The following TSEN15 variants were observed in gnomAD, a reference collection of about 807,000 sequenced individuals.
TSEN15 encodes the protein tRNA-splicing endonuclease subunit Sen15.
TSEN15 carries 10 observed loss-of-function variants against 20.5 expected under a neutral mutation model. That is an observed-to-expected ratio of 0.49 (90% confidence interval 0.30 to 0.83). The LOEUF is 0.83. Among genes scored for constraint, TSEN15 ranks in the 40% least tolerant of loss-of-function variants. The probability of loss-of-function intolerance (pLI) is 0.06; values close to 1 mark genes in which losing one functional copy is unlikely to be tolerated. For missense variants in TSEN15, 180 were observed against 218.6 expected, an observed-to-expected ratio of 0.82 and a Z score of 1.11; for synonymous variants, 72 against 80.1, an observed-to-expected ratio of 0.90 and a Z score of 0.54.
intron 3 of TSEN15, chr1:184,094,233 G>A (rs1245645718): frequency 6.6e-6 from 1 of 152,184 alleles, no homozygotes; most frequent in African/African-American, 2.4e-5. Context: ...TAGCTCATAT[G>A]TGATATGGTC....
At chr1:184,093,932 T>A (rs1298849747) in intron 3 of TSEN15, 1 of 152,194 alleles carries the variant, frequency 6.6e-6, no homozygotes, top group East Asian at 1.9e-4. Context: ...AAATATTGGG[T>A]TTGATTCTAA....
chr1:184,068,085 A>G (rs541349918), intron 3 of TSEN15, among the ~76,000 whole-genome samples: 1 of 149,756 alleles, frequency 6.7e-6, no homozygotes, highest in Non-Finnish European at 1.5e-5. Context: ...TTTTAGTTGA[A>G]TTTTTTTTCA....
chr1:184,072,375 C>A, intron 4 of TSEN15, 77 bp downstream of exon 4: 2 of 1,353,716 alleles, frequency 1.5e-6, no homozygotes, highest in Non-Finnish European at 1.0e-6. Flanking sequence ...TGACTCAAGT[C>A]AGTCACAGAA....
At chr1:184,094,877 G>T (rs1651421672) in intron 3 of TSEN15, 1 of 396,066 alleles carries the variant, frequency 2.5e-6, no homozygotes, top group African/African-American at 2.1e-5. Context: ...TCACTGAAGA[G>T]TCTGGGTGAA....
chr1:184,055,555 G>A (rs1415731483), intron 3 of TSEN15, among the ~76,000 whole-genome samples: 1 of 152,130 alleles, frequency 6.6e-6, no homozygotes, highest in East Asian at 1.9e-4. Context: ...AATAACAGCT[G>A]TTATAAGATG....
chr1:184,071,359 T>C (rs547536749), intron 3 of TSEN15: 1 of 152,122 alleles, frequency 6.6e-6, no homozygotes, highest in Admixed American at 6.5e-5. Flanking sequence ...ATATTAAATA[T>C]GTGAATGTAA....
chr1:184,088,718 G>A (rs568472564), intron 3 of TSEN15, among the ~76,000 whole-genome samples: 35 of 124,364 alleles, frequency 2.8e-4, no homozygotes. Context: ...AACCTTCAGT[G>A]CTCATCTGGG....
intron 3 of TSEN15, among the ~76,000 whole-genome samples, chr1:184,055,704 C>T (rs1650227568): frequency 6.6e-6 from 1 of 151,796 alleles, no homozygotes; most frequent in African/African-American, 2.4e-5. Context: ...TTTTAAAAAG[C>T]TTAGGTACAC....
chr1:184,054,475 G>A, intron 2 of TSEN15, 40 bp downstream of exon 2: 1 of 1,479,248 alleles, frequency 6.8e-7, no homozygotes, highest in East Asian at 2.3e-5. Flanking sequence ...TTGGGACTGT[G>A]GTAGAGATTT....
chr1:184,063,696 T>C (rs1311556837), intron 3 of TSEN15, among the ~76,000 whole-genome samples: 1 of 152,056 alleles, frequency 6.6e-6, no homozygotes, highest in African/African-American at 2.4e-5. Context: ...TTAAAGGACA[T>C]GATTAAAGAA....
chr1:184,082,892 G>A (rs1331175217), intron 3 of TSEN15, among the ~76,000 whole-genome samples: 1 of 151,970 alleles, frequency 6.6e-6, no homozygotes, highest in African/African-American at 2.4e-5. Context: ...AAGCCTGTAT[G>A]GGAAAAAGTT....
chr1:184,083,657 A>C (rs558769235), intron 3 of TSEN15, among the ~76,000 whole-genome samples: 1 of 152,182 alleles, frequency 6.6e-6, no homozygotes, highest in Admixed American at 6.5e-5. Flanking sequence ...ATCCCAAGTG[A>C]GATCATTAGA....
At chr1:184,061,900 G>A (rs1350614980) in intron 3 of TSEN15, among the ~76,000 whole-genome samples, 1 of 152,150 alleles carries the variant, frequency 6.6e-6, no homozygotes, top group Non-Finnish European at 1.5e-5. Context: ...GTGAGTGAAT[G>A]CATTACTTTG....
rs1227436744 is a variant in TSEN15 at position 184,073,384 on chromosome 1, T to TTTG, written c.*538_*539insTGT. 6.6e-6 allele frequency: 1 copy of TTTG among 152,458 alleles called. No homozygotes were observed. Among genetic ancestry groups the TTTG allele is most frequent in the African/African-American group, 2.4e-5 (1 of 41,460 alleles). The allele number at this position is 152,458 out of a possible 1,614,324, so 9.4% of individuals were successfully genotyped here. ...TTGCAGTTACTGTTATTTCTCTTTTTTGGTTAACTTTAAATCAAAACTCAA... is the reference window on the plus strand; with the variant it reads ...TTGCAGTTACTGTTATTTCTCTTTTTTTGTGGTTAACTTTAAATCAAAACTCAA... On this transcript the variant is annotated 3_prime_UTR_variant, in exon 5 of 5. Coordinates refer to ENST00000645668, the MANE Select transcript of TSEN15 (RefSeq NM_052965.4).
chr1:184,083,262 C>T (rs1022876283), intron 3 of TSEN15, among the ~76,000 whole-genome samples: 1 of 152,130 alleles, frequency 6.6e-6, no homozygotes, highest in African/African-American at 2.4e-5. Flanking sequence ...CTTCATGTAC[C>T]TCAGGCTGTG....
At chr1:184,070,747 G>A in intron 3 of TSEN15, 1 of 917,074 alleles carries the variant, frequency 1.1e-6, no homozygotes. Context: ...TGAAGTTTCT[G>A]ATTAATATCT....
At chr1:184,093,800 G>A (rs573231630) in intron 3 of TSEN15, 1 of 152,236 alleles carries the variant, frequency 6.6e-6, no homozygotes, top group South Asian at 2.1e-4. Context: ...TTCAAAACTT[G>A]GTATGTGATA....
At chr1:184,095,149 T>C (rs775826624) in intron 3 of TSEN15, 36 of 398,304 alleles carry the variant, frequency 9.0e-5, no homozygotes, top group Non-Finnish European at 1.5e-4. Flanking sequence ...ACCCATGACT[T>C]GTTTGACTGA....
At chr1:184,058,072 A>G in intron 3 of TSEN15, 1 of 353,118 alleles carries the variant, frequency 2.8e-6, no homozygotes, top group South Asian at 2.3e-5. Flanking sequence ...AATAAAATTA[A>G]TGAAAGCAAT....
Sources: allele counts gnomAD v4.1 joint callset (sites outside exome capture counted in the v4.1 genomes callset), GRCh38; gene constraint gnomAD v4.1.1; transcripts MANE v1.5; gene names NCBI Gene and HGNC (gene_info 2026-07-23, HGNC 2026-07-21).